Variants in LDB3 observed in about 807,000 individuals in gnomAD.
LDB3 encodes LIM domain binding 3, also known as LIM domain-binding protein 3.
LDB3 carries 49 observed loss-of-function variants against 69.0 expected under a neutral mutation model. The observed-to-expected ratio is 0.71, with a 90% CI of 0.56 to 0.90. The LOEUF is 0.90. LDB3 is among the 40% of genes least tolerant of loss of function. LDB3 has a pLI of 0.00. For missense variants in LDB3, 928 were observed against 974.1 expected, an observed-to-expected ratio of 0.95 and a Z score of 0.63; for synonymous variants, 387 against 396.2, an observed-to-expected ratio of 0.98 and a Z score of 0.28.
upstream of LDB3, among the ~76,000 whole-genome samples, chr10:86,668,155 C>T (rs1475966387): frequency 6.6e-6 from 1 of 152,194 alleles, no homozygotes. Flanking sequence ...AAAGCACAAC[C>T]CCAGAATCCT....
rs1175107382 is a variant in LDB3, at chr10:86,734,418, A to G, written c.*1442A>G. The G allele has an allele frequency of 1.3e-5, 2 of 152,222 alleles. No individual in the cohort carries two copies. The highest frequency in any genetic ancestry group is 2.9e-5 in the Non-Finnish European group (2 of 68,036). 9.4% of individuals were successfully genotyped at this position (152,222 alleles called of 1,614,324 possible). The stretch of plus-strand genomic sequence containing the variant: ...TTTAGGAAGCCCTGTTAATATGCTC[A>G]TTGAAAACATGGCATTGAAGCAGGC... On this transcript the variant is annotated 3_prime_UTR_variant, in exon 14 of 14. Transcript: ENST00000361373.
Position 86,717,916 on chromosome 10 carries a change from C to A in LDB3, c.1677-48C>A. The stretch of plus-strand genomic sequence containing the variant: ...GTTGGGGTTCTTCAAATATCTAATT[C>A]CAAGTTCTGGGAGCTGCCTTACTGG... On this transcript the variant is annotated intron_variant, in intron 10 of 13. Coordinates refer to ENST00000361373, the MANE Select transcript of LDB3 (RefSeq NM_007078.3). 6 of 1,584,320 alleles carry A rather than the reference C, an allele frequency of 3.8e-6. No homozygotes were observed. The South Asian group carries it at 5.5e-5, about 15-fold the overall frequency.
At chr10:86,673,485 C>T (rs1361837095) in intron 2 of LDB3, among the ~76,000 whole-genome samples, 1 of 152,024 alleles carries the variant, frequency 6.6e-6, no homozygotes, top group Non-Finnish European at 1.5e-5. Flanking sequence ...CCCAGGCAGG[C>T]AGGGAGAGGC....
intron 9 of LDB3, among the ~76,000 whole-genome samples, chr10:86,711,657 C>T (rs1001060267): frequency 1.3e-5 from 2 of 151,662 alleles, no homozygotes; most frequent in Non-Finnish European, 2.9e-5. Flanking sequence ...AGCCGCAGCT[C>T]CCCCCGGGGC....
At chr10:86,697,474 G>GAA (rs1304777179) in intron 7 of LDB3, among the ~76,000 whole-genome samples, 1 of 150,748 alleles carries the variant, frequency 6.6e-6, no homozygotes, top group Non-Finnish European at 1.5e-5. Flanking sequence ...ACCAGCCTCG[G>GAA]TCTCCCAAAG....
chr10:86,696,519 T>A (rs1305110993), intron 7 of LDB3, among the ~76,000 whole-genome samples: 1 of 152,138 alleles, frequency 6.6e-6, no homozygotes, highest in African/African-American at 2.4e-5. Flanking sequence ...TAGCTGAGGA[T>A]TTTTAAACAG....
At chr10:86,690,009 A>T (rs1845683366) in intron 5 of LDB3, among the ~76,000 whole-genome samples, 1 of 152,216 alleles carries the variant, frequency 6.6e-6, no homozygotes, top group Non-Finnish European at 1.5e-5. Flanking sequence ...CAGCAGCAAC[A>T]AGAGTCCCTG....
chr10:86,699,009 C>T lies in LDB3; in HGVS notation c.896+6438C>T, dbSNP rs1161304443. 6.6e-6 allele frequency among the ~76,000 whole-genome samples: 1 copy of T among 152,132 alleles called. No individual in the cohort carries two copies. The highest frequency in any genetic ancestry group is 1.5e-5 in the Non-Finnish European group (1 of 68,022). On this transcript the variant is annotated intron_variant, in intron 7 of 13. Transcript: ENST00000361373. The surrounding 1 kb of genome is among the most constrained non-coding windows in gnomAD (Gnocchi z 4.9). ...TCCCTTCTCCACAGCCCCCAACTCACTCAAGGCAGGGACTTCAGTCCCTCC... is the reference window on the plus strand; with the variant it reads ...TCCCTTCTCCACAGCCCCCAACTCATTCAAGGCAGGGACTTCAGTCCCTCC...
chr10:86,725,152 C>T (rs569670185), intron 12 of LDB3, among the ~76,000 whole-genome samples: 5 of 152,256 alleles, frequency 3.3e-5, no homozygotes, highest in South Asian at 2.1e-4. Context: ...GCTTTGTAAA[C>T]GGGATGGAGC....
chr10:86,715,643 G>A lies in LDB3; in HGVS notation c.1232-684G>A, dbSNP rs554178223. ...TACAGGGGTCCCCCAAGGCAGCCAC[G>A]GGCCAAGTGAGCAGCTACTTCTAGG... On this transcript the variant is annotated intron_variant, in intron 9 of 13. Coordinates refer to ENST00000361373, the MANE Select transcript of LDB3 (RefSeq NM_007078.3). Among the ~76,000 whole-genome samples the A allele has an allele frequency of 3.7e-4, 56 of 152,194 alleles. 1 individual carries two copies. The highest frequency in any genetic ancestry group is 2.5e-3 in the South Asian group (12 of 4,820).
chr10:86,693,125 G>A (rs993154595), intron 7 of LDB3, among the ~76,000 whole-genome samples: 11 of 152,166 alleles, frequency 7.2e-5, no homozygotes, highest in Admixed American at 2.0e-4. Flanking sequence ...ATGGGTTTGT[G>A]CCAAGCTGGG....
intron 5 of LDB3, among the ~76,000 whole-genome samples, chr10:86,684,530 A>G (rs1845355070): frequency 1.3e-5 from 2 of 152,234 alleles, no homozygotes; most frequent in African/African-American, 2.4e-5. Flanking sequence ...GCCCTTTCCT[A>G]ATATAGCTCC....
intron 7 of LDB3, among the ~76,000 whole-genome samples, chr10:86,701,834 A>G (rs1488784141): frequency 6.6e-6 from 1 of 152,222 alleles, no homozygotes; most frequent in Non-Finnish European, 1.5e-5. Flanking sequence ...GTTGGAATGG[A>G]GAGAATGCAG....
intron 2 of LDB3, among the ~76,000 whole-genome samples, chr10:86,672,631 A>ATCTG (rs924610884): frequency 1.3e-5 from 1 of 79,938 alleles, no homozygotes; most frequent in East Asian, 6.4e-4. Context: ...TCCCTGCAAC[A>ATCTG]TCTATCAACA....
At chr10:86,731,184 TG>T (rs1216065507) in intron 13 of LDB3, among the ~76,000 whole-genome samples, 1 of 151,720 alleles carries the variant, frequency 6.6e-6, no homozygotes, top group African/African-American at 2.4e-5. Context: ...TCATCTCTTT[TG>T]TTTTTTTGTA....
In LDB3 at chr10:86,734,374, C is replaced by T. The variant is rs1847562202; in HGVS notation, c.*1398C>T. Reference sequence around the variant, plus strand: ...GCAGCTTAGATTCTGTGGTTGGAAACAGTGTAGTCGCTTCCCTTTTTAGGA... The same window carrying T: ...GCAGCTTAGATTCTGTGGTTGGAAATAGTGTAGTCGCTTCCCTTTTTAGGA... On this transcript the variant is annotated 3_prime_UTR_variant, in exon 14 of 14. Transcript: ENST00000361373. 6.6e-6 allele frequency: 1 copy of T among 152,174 alleles called. No individual in the cohort carries two copies. The highest frequency in any genetic ancestry group is 2.1e-4 in the South Asian group (1 of 4,826). 9.4% of individuals were successfully genotyped at this position (152,174 alleles called of 1,614,324 possible).
chr10:86,688,180 G>A lies in LDB3; in HGVS notation c.690-3716G>A, dbSNP rs548851096. 5.3e-5 allele frequency among the ~76,000 whole-genome samples: 8 copies of A among 152,134 alleles called. No individual in the cohort carries two copies. In the South Asian group the frequency reaches 6.2e-4, roughly 12 times the overall value. On this transcript the variant is annotated intron_variant, in intron 5 of 13. Transcript: ENST00000361373. ...ATACCACTGTGTTGGCTGATTATCAGTCTCGGCAACATCTTATCCCTGGGT... is the reference window on the plus strand; with the variant it reads ...ATACCACTGTGTTGGCTGATTATCAATCTCGGCAACATCTTATCCCTGGGT...
upstream of LDB3, among the ~76,000 whole-genome samples, chr10:86,667,720 ACTGG>A (rs1317656815): frequency 1.3e-5 from 2 of 152,178 alleles, no homozygotes; most frequent in Admixed American, 6.5e-5. Flanking sequence ...GCCAGGAATA[ACTGG>A]CTGGGCCCCC....
rs750547954 is a variant in LDB3 at position 86,687,030 on chromosome 10, C to G, written c.690-4866C>G. The G allele has an allele frequency of 2.5e-6, 4 of 1,601,174 alleles. No individual in the cohort carries two copies. The African/African-American group carries it at 5.4e-5, about 21-fold the overall frequency. ...AACCGCCACCTGTTGCCCTTTTCTC[C>G]TCCCTCTCCCTGCCCGTACTCCCGC... On this transcript the variant is annotated intron_variant, in intron 5 of 13. Coordinates refer to ENST00000361373, the MANE Select transcript of LDB3 (RefSeq NM_007078.3).
Sources: allele counts gnomAD v4.1 joint callset (sites outside exome capture counted in the v4.1 genomes callset), GRCh38; gene constraint gnomAD v4.1.1; non-coding constraint Gnocchi (gnomAD v3.1); transcripts MANE v1.5; gene names NCBI Gene and HGNC (gene_info 2026-07-23, HGNC 2026-07-21).